Variants in MAOA observed in about 807,000 individuals in gnomAD.
The protein encoded by MAOA is monoamine oxidase A, also known as amine oxidase [flavin-containing] A.
MAOA carries 6 observed loss-of-function variants against 42.0 expected under a neutral mutation model. The observed-to-expected ratio is 0.14, with a 90% confidence interval of 0.08 to 0.28. MAOA has a LOEUF of 0.28. MAOA is among the 10% of genes least tolerant of loss of function. The pLI is 1.00. For missense variants in MAOA, 262 were observed against 422.3 expected (o/e 0.62, Z 3.33); for synonymous variants, 140 against 154.0 (o/e 0.91, Z 0.67).
chrX:43,656,125 C>T, upstream of MAOA: 1 of 438,728 alleles, frequency 2.3e-6, no homozygotes, highest in East Asian at 3.8e-5. Flanking sequence ...TGCCCAGCTC[C>T]CCCCGGGTAT....
chrX:43,668,321 C>A (rs1436010993), intron 1 of MAOA, among the ~76,000 whole-genome samples: 2 of 111,965 alleles, frequency 1.8e-5, no homozygotes, highest in Non-Finnish European at 3.8e-5. Flanking sequence ...AAAAGCATGT[C>A]TGGTCATTTT....
intron 5 of MAOA, among the ~76,000 whole-genome samples, chrX:43,722,841 T>A (rs1282735185): frequency 8.9e-6 from 1 of 112,002 alleles, no homozygotes; most frequent in Non-Finnish European, 1.9e-5. Context: ...AAATCTTTAA[T>A]CCATCTCGAG....
intron 3 of MAOA, among the ~76,000 whole-genome samples, chrX:43,695,079 A>G (rs904021037): frequency 2.7e-5 from 3 of 112,126 alleles, no homozygotes; most frequent in African/African-American, 9.7e-5. Flanking sequence ...ACAAGGCTAT[A>G]AAACTCCTAA....
At chrX:43,705,114 T>C (rs755437662) in intron 3 of MAOA, among the ~76,000 whole-genome samples, 16 of 111,829 alleles carry the variant, frequency 1.4e-4, no homozygotes, top group Non-Finnish European at 3.0e-4. Context: ...AAAATGTATA[T>C]GTAAATGTGA....
intron 2 of MAOA, among the ~76,000 whole-genome samples, chrX:43,690,156 C>G (rs748773372): frequency 9.2e-6 from 1 of 109,264 alleles, no homozygotes; most frequent in East Asian, 2.9e-4. Context: ...AAATCCTCAG[C>G]CACTATTTTT....
At chrX:43,677,863 G>T (rs748148706) in intron 1 of MAOA, among the ~76,000 whole-genome samples, 1 of 111,390 alleles carries the variant, frequency 9.0e-6, no homozygotes, top group Non-Finnish European at 1.9e-5. Context: ...CATGGTTTAG[G>T]AGAGGAAGAA....
At chrX:43,669,404 CA>C (rs1192477099) in intron 1 of MAOA, among the ~76,000 whole-genome samples, 1 of 110,805 alleles carries the variant, frequency 9.0e-6, no homozygotes, top group Non-Finnish European at 1.9e-5. Context: ...GGCAAAAGAG[CA>C]AGACTCCATC....
chrX:43,701,330 TTTGG>T (rs903372463), intron 3 of MAOA, among the ~76,000 whole-genome samples: 1 of 111,425 alleles, frequency 9.0e-6, no homozygotes, highest in Non-Finnish European at 1.9e-5. Flanking sequence ...ACATCTCAGA[TTTGG>T]TTTCAAAAAT....
In MAOA at chrX:43,716,617, A is replaced by T. The variant is rs1357323968; in HGVS notation, c.503+3821A>T. ...GGATAGTATCTTCCAGGAATGAGCC[A>T]CGGTGACAGTGGTGGGGGTGGGAGA... On this transcript the variant is annotated intron_variant, in intron 5 of 14. Transcript: ENST00000338702. Among the ~76,000 whole-genome samples the T allele has an allele frequency of 9.9e-5, 11 of 110,966 alleles. No homozygotes were observed. The Admixed American group carries it at 1.1e-3, about 11-fold the overall frequency.
At chrX:43,740,329 T>TTATA (rs1324544347) in intron 10 of MAOA, among the ~76,000 whole-genome samples, 1 of 112,235 alleles carries the variant, frequency 8.9e-6, no homozygotes, top group Non-Finnish European at 1.9e-5. Flanking sequence ...TCCAGAAAAG[T>TTATA]TATATAGAAT....
intron 10 of MAOA, among the ~76,000 whole-genome samples, chrX:43,739,752 T>G (rs1432291498): frequency 1.8e-5 from 2 of 112,072 alleles, no homozygotes; most frequent in African/African-American, 6.5e-5. Flanking sequence ...AACAAATATT[T>G]TAGAGCATTT....
upstream of MAOA, chrX:43,655,091 C>A (rs1224336979): frequency 8.5e-6 from 1 of 117,010 alleles, no homozygotes; most frequent in African/African-American, 3.2e-5. Context: ...CAGCCTCCTT[C>A]CCCGGCGGCA....
intron 1 of MAOA, among the ~76,000 whole-genome samples, chrX:43,666,760 T>C (rs577673740): frequency 2.7e-5 from 3 of 111,229 alleles, no homozygotes; most frequent in African/African-American, 9.8e-5. Flanking sequence ...CTCTGTCACT[T>C]AGTCTCTTCT....
intron 5 of MAOA, among the ~76,000 whole-genome samples, chrX:43,724,118 CA>C (rs920936039): frequency 4.5e-5 from 5 of 111,819 alleles, no homozygotes; most frequent in African/African-American, 1.6e-4. Flanking sequence ...CAATGTTCAT[CA>C]GGGATATTGG....
chrX:43,660,617 A>G (rs1349039152), intron 1 of MAOA, among the ~76,000 whole-genome samples: 1 of 111,462 alleles, frequency 9.0e-6, no homozygotes, highest in African/African-American at 3.3e-5. Flanking sequence ...TTTATATTCT[A>G]TCTATCCTTC....
At chrX:43,727,363 C>G (rs1035672330) in intron 5 of MAOA, among the ~76,000 whole-genome samples, 2 of 112,221 alleles carry the variant, frequency 1.8e-5, no homozygotes, top group Non-Finnish European at 3.8e-5. Flanking sequence ...TTCAGAGATG[C>G]CCTGCCCACA....
At chrX:43,699,887 T>A (rs1224418817) in intron 3 of MAOA, among the ~76,000 whole-genome samples, 3 of 112,278 alleles carry the variant, frequency 2.7e-5, no homozygotes, top group African/African-American at 9.7e-5. Context: ...CCATGGCTTA[T>A]AATAGAATTT....
intron 5 of MAOA, among the ~76,000 whole-genome samples, chrX:43,715,172 C>T (rs2033732701): frequency 9.1e-6 from 1 of 109,319 alleles, no homozygotes; most frequent in Non-Finnish European, 1.9e-5. Flanking sequence ...GAAGAGGGTA[C>T]ATAGGAAGGT....
chrX:43,727,895 G>A (rs1272818977), intron 5 of MAOA, among the ~76,000 whole-genome samples: 1 of 112,057 alleles, frequency 8.9e-6, no homozygotes, highest in South Asian at 3.7e-4. Flanking sequence ...CCCACCTTCT[G>A]CGCGGATCTC....
Sources: allele counts gnomAD v4.1 joint callset (sites outside exome capture counted in the v4.1 genomes callset), GRCh38; gene constraint gnomAD v4.1.1; transcripts MANE v1.5; gene names NCBI Gene and HGNC (gene_info 2026-07-23, HGNC 2026-07-21).